Variants in TMEM117 observed in about 807,000 individuals in gnomAD.
TMEM117 encodes the protein transmembrane protein 117.
Under a neutral mutation model 52.4 loss-of-function variants are expected in TMEM117, and 27 were observed. The observed-to-expected ratio is 0.51, with a 90% confidence interval of 0.38 to 0.71. The LOEUF is 0.71. Ranked by LOEUF, TMEM117 falls within the 30% of genes least tolerant of loss-of-function variation. TMEM117 has a pLI of 0.00. For missense variants in TMEM117, 556 were observed against 630.5 expected (o/e 0.88, Z 1.26); for synonymous variants, 215 against 206.3 (o/e 1.04, Z -0.36).
chr12:44,272,630 T>C (rs1020290571), intron 5 of TMEM117, among the ~76,000 whole-genome samples: 4 of 152,208 alleles, frequency 2.6e-5, no homozygotes, highest in South Asian at 2.1e-4. Flanking sequence ...ATGCTCATCA[T>C]CACTGGCCAT....
rs143923166 is a variant in TMEM117, at chr12:44,058,753, C to G, written c.411-84772C>G. Among the ~76,000 whole-genome samples the G allele has an allele frequency of 1.4e-3, 220 of 152,220 alleles. 3 individuals are homozygous for G. Among genetic ancestry groups the G allele is most frequent in the African/African-American group, 5.0e-3 (206 of 41,548 alleles). On this transcript the variant is annotated intron_variant, in intron 3 of 7. Transcript: ENST00000266534. Reference sequence around the variant, plus strand: ...TATAGACTCATGGATTTTGCTATTACGTTTTGTCTTCAGTTTCTTTTTTTG... The same window carrying G: ...TATAGACTCATGGATTTTGCTATTAGGTTTTGTCTTCAGTTTCTTTTTTTG...
intron 3 of TMEM117, among the ~76,000 whole-genome samples, chr12:44,127,344 T>C (rs1057514002): frequency 2.0e-5 from 3 of 152,090 alleles, no homozygotes; most frequent in Admixed American, 2.0e-4. Flanking sequence ...GGCGTTGTTT[T>C]GAAGGTATTT....
intron 3 of TMEM117, among the ~76,000 whole-genome samples, chr12:44,104,058 G>A (rs1947910605): frequency 5.3e-5 from 8 of 151,918 alleles, no homozygotes; most frequent in Admixed American, 5.3e-4. Context: ...GCAAGAGAGA[G>A]GAGCAGTGGT....
chr12:43,953,022 G>T (rs1945250216), intron 3 of TMEM117, among the ~76,000 whole-genome samples: 1 of 152,070 alleles, frequency 6.6e-6, no homozygotes, highest in Non-Finnish European at 1.5e-5. Context: ...TTCCAACCCA[G>T]AATTTCATAT....
At chr12:43,874,569 C>T (rs1046369113) in intron 2 of TMEM117, among the ~76,000 whole-genome samples, 1 of 152,072 alleles carries the variant, frequency 6.6e-6, no homozygotes, top group East Asian at 1.9e-4. Context: ...CCAGCCTGGG[C>T]GACAAGAACA....
At chr12:44,051,848 A>G (rs1447478706) in intron 3 of TMEM117, among the ~76,000 whole-genome samples, 2 of 152,210 alleles carry the variant, frequency 1.3e-5, no homozygotes, top group Non-Finnish European at 2.9e-5. Context: ...AAGGAATCAT[A>G]TGGGCTTAAC....
chr12:43,798,712 T>C, the TMEM117 span: 2 of 1,075,512 alleles, frequency 1.9e-6, no homozygotes, highest in Non-Finnish European at 2.6e-6. Context: ...TAATATTAAA[T>C]GATATTCAAC....
chr12:44,130,965 A>C (rs1247702258), intron 3 of TMEM117, among the ~76,000 whole-genome samples: 1 of 152,010 alleles, frequency 6.6e-6, no homozygotes, highest in Non-Finnish European at 1.5e-5. Flanking sequence ...ATCTTTTCAT[A>C]GGACTAGCTG....
chr12:44,316,915 A>T (rs1466095819), intron 6 of TMEM117, among the ~76,000 whole-genome samples: 1 of 151,356 alleles, frequency 6.6e-6, no homozygotes. Flanking sequence ...GAATTTTTCA[A>T]TCCTGGAAGC....
Position 44,293,927 on chromosome 12 carries a change from G to A in TMEM117, c.609-5653G>A, listed in dbSNP as rs551607423. ...TCAGATATTTTTATTTTGTTAATTAGCATCTTTTCAGTTCAATTTAGCATT... is the reference window on the plus strand; with the variant it reads ...TCAGATATTTTTATTTTGTTAATTAACATCTTTTCAGTTCAATTTAGCATT... On this transcript the variant is annotated intron_variant, in intron 5 of 7. Transcript: ENST00000266534. 1.4e-3 allele frequency among the ~76,000 whole-genome samples: 220 copies of A among 152,006 alleles called. 1 individual carries two copies. Among genetic ancestry groups the A allele is most frequent in the Non-Finnish European group, 1.6e-3 (107 of 67,914 alleles).
intron 2 of TMEM117, among the ~76,000 whole-genome samples, chr12:43,884,464 T>C (rs1003203291): frequency 6.6e-6 from 1 of 152,234 alleles, no homozygotes; most frequent in Non-Finnish European, 1.5e-5. Flanking sequence ...CAGTTCTCTC[T>C]AGCATTTCCA....
rs536061851 is a variant in TMEM117 at position 44,115,325 on chromosome 12, G to A, written c.411-28200G>A. On this transcript the variant is annotated intron_variant, in intron 3 of 7. Coordinates refer to ENST00000266534, the MANE Select transcript of TMEM117 (RefSeq NM_032256.3). ...GCCTGTTGTCGGGTGGGGAGAAGGG[G>A]GAGGGATAGCATTAGGAGATATACC... is the stretch of plus-strand genomic sequence containing the variant. 9.1e-4 allele frequency among the ~76,000 whole-genome samples: 138 copies of A among 152,238 alleles called. 1 individual carries two copies. Among genetic ancestry groups the A allele is most frequent in the African/African-American group, 2.9e-3 (120 of 41,546 alleles).
At chr12:43,978,135 G>C (rs532097555) in intron 3 of TMEM117, among the ~76,000 whole-genome samples, 2 of 152,268 alleles carry the variant, frequency 1.3e-5, no homozygotes, top group Admixed American at 6.5e-5. Flanking sequence ...AGTTTTGGTG[G>C]AAAAATTGAT....
chr12:43,890,868 A>G (rs1284163604), intron 2 of TMEM117, among the ~76,000 whole-genome samples: 1 of 152,106 alleles, frequency 6.6e-6, no homozygotes, highest in East Asian at 1.9e-4. Context: ...TAAAGAAGAC[A>G]TTGATTTGTC....
At chr12:44,156,965 A>G (rs1948833870) in intron 4 of TMEM117, among the ~76,000 whole-genome samples, 1 of 152,058 alleles carries the variant, frequency 6.6e-6, no homozygotes, top group Non-Finnish European at 1.5e-5. Flanking sequence ...CCCTTTTCCC[A>G]AGGCTAGATT....
chr12:43,920,708 A>G (rs1218477682), intron 2 of TMEM117, among the ~76,000 whole-genome samples: 3 of 151,956 alleles, frequency 2.0e-5, no homozygotes, highest in East Asian at 3.9e-4. Context: ...GTGCACCACC[A>G]CACCTGGCTC....
chr12:43,908,640 G>A (rs1944435936), intron 2 of TMEM117, among the ~76,000 whole-genome samples: 1 of 152,004 alleles, frequency 6.6e-6, no homozygotes, highest in South Asian at 2.1e-4. Context: ...CAAAATAAAA[G>A]GAGGGAGGAA....
intron 6 of TMEM117, among the ~76,000 whole-genome samples, chr12:44,350,773 C>T (rs1405491025): frequency 6.6e-6 from 1 of 151,996 alleles, no homozygotes; most frequent in Non-Finnish European, 1.5e-5. Flanking sequence ...TGCTAATGGA[C>T]ACATAAGTTG....
At chr12:43,969,385 T>A (rs759080575) in intron 3 of TMEM117, among the ~76,000 whole-genome samples, 303 of 90,382 alleles carry the variant, frequency 3.4e-3, no homozygotes, top group Middle Eastern at 0.028. Flanking sequence ...TAGCCAGGCA[T>A]GGGGGCGGGT....
Sources: gnomAD v4.1 joint callset for allele counts (sites outside exome capture counted in the v4.1 genomes callset) on GRCh38, gnomAD v4.1.1 for gene constraint, MANE v1.5 for transcripts, NCBI Gene and HGNC (gene_info 2026-07-23, HGNC 2026-07-21) for gene names.